BICD1: variants seen among roughly 807,000 people sequenced by gnomAD.
The protein encoded by BICD1 is protein bicaudal D homolog 1.
BICD1 carries 35 observed loss-of-function variants against 92.5 expected under a neutral mutation model. That is an observed-to-expected ratio of 0.38 (90% CI 0.29 to 0.50). The LOEUF is 0.50. Among genes scored for constraint, BICD1 ranks in the 20% least tolerant of loss-of-function variants. The probability of loss-of-function intolerance (pLI) is 0.93; values close to 1 mark genes in which losing one functional copy is unlikely to be tolerated. For synonymous variants in BICD1, 429 were observed against 465.1 expected (o/e 0.92, Z 1.00); for missense variants, 950 against 1,189.8 (o/e 0.80, Z 2.97).
At chr12:32,367,348 C>T (rs1939562301) in intron 8 of BICD1, among the ~76,000 whole-genome samples, 1 of 152,114 alleles carries the variant, frequency 6.6e-6, no homozygotes, top group Admixed American at 6.6e-5. Flanking sequence ...ATTGGAAGAT[C>T]TTTCATTATA....
At chr12:32,300,631 A>ATTTTTTTT (rs34219566) in intron 3 of BICD1, among the ~76,000 whole-genome samples, 1 of 80,566 alleles carries the variant, frequency 1.2e-5, no homozygotes, top group Non-Finnish European at 2.5e-5. Context: ...ACTTTACAGT[A>ATTTTTTTT]TTTTTTTTTT....
intron 9 of BICD1, among the ~76,000 whole-genome samples, chr12:32,370,002 A>G (rs1338654171): frequency 6.6e-6 from 1 of 152,194 alleles, no homozygotes; most frequent in African/African-American, 2.4e-5. Context: ...TGTTCCCACC[A>G]CCTTCAGCAA....
At chr12:32,108,269 A>G (rs1414697425) in intron 1 of BICD1, 1 of 181,238 alleles carries the variant, frequency 5.5e-6, no homozygotes, top group Non-Finnish European at 1.2e-5. Context: ...TTGCATTTCA[A>G]ATGAGGCTCT....
At chr12:32,263,675 G>A (rs7138319) in intron 2 of BICD1, among the ~76,000 whole-genome samples, 35,117 of 152,076 alleles carry the variant, frequency 0.23, 6,085 homozygotes, top group African/African-American at 0.49. Flanking sequence ...CTGGCAATAA[G>A]GTACTCCAAA....
intron 9 of BICD1, among the ~76,000 whole-genome samples, chr12:32,374,113 C>T (rs1433643798): frequency 1.3e-5 from 2 of 151,282 alleles, no homozygotes; most frequent in Non-Finnish European, 2.9e-5. Flanking sequence ...ACTCAGGAGG[C>T]TGAGGCACTA....
chr12:32,367,950 G>C (rs961712280), intron 9 of BICD1: 1 of 536,162 alleles, frequency 1.9e-6, no homozygotes, highest in Admixed American at 3.1e-5. Flanking sequence ...TATTTTGCTG[G>C]CTGCCAGCTG....
intron 1 of BICD1, among the ~76,000 whole-genome samples, chr12:32,185,275 T>A (rs1423324848): frequency 6.6e-6 from 1 of 152,238 alleles, no homozygotes; most frequent in Non-Finnish European, 1.5e-5. Context: ...AAGCAATTTA[T>A]ACTCTTGATT....
intron 1 of BICD1, among the ~76,000 whole-genome samples, chr12:32,142,295 A>G (rs1055725345): frequency 6.6e-6 from 1 of 151,164 alleles, no homozygotes; most frequent in African/African-American, 2.4e-5. Flanking sequence ...ACTCTGAGCT[A>G]CTGGGGAGGC....
chr12:32,319,282 C>CT (rs1292608784), intron 4 of BICD1, among the ~76,000 whole-genome samples: 1 of 151,854 alleles, frequency 6.6e-6, no homozygotes, highest in Non-Finnish European at 1.5e-5. Flanking sequence ...AGATTGTTGA[C>CT]TTTTTTTTAT....
chr12:32,370,324 G>A (rs931014503), intron 9 of BICD1, among the ~76,000 whole-genome samples: 9 of 150,684 alleles, frequency 6.0e-5, no homozygotes, highest in African/African-American at 2.0e-4. Context: ...CTGAGATCAC[G>A]CCACTGCATT....
At chr12:32,218,765 A>C (rs938152396) in intron 2 of BICD1, among the ~76,000 whole-genome samples, 2 of 152,172 alleles carry the variant, frequency 1.3e-5, no homozygotes, top group African/African-American at 4.8e-5. Flanking sequence ...TTTGTCTTCT[A>C]TGTGTGCCAA....
In BICD1 at chr12:32,237,621, C is replaced by G. The variant is rs1946110504; in HGVS notation, c.426+21162C>G. 3.3e-5 allele frequency among the ~76,000 whole-genome samples: 5 copies of G among 152,016 alleles called. No individual in the cohort carries two copies. The South Asian group carries it at 8.3e-4, about 25-fold the overall frequency. ...TTGAACATTCTAAAAATCCTAGGGC[C>G]CTTAAGAATGATACTAAATGTACTC... On this transcript the variant is annotated intron_variant, in intron 2 of 9. Transcript: ENST00000652176.
intron 1 of BICD1, among the ~76,000 whole-genome samples, chr12:32,184,176 T>G (rs1434088811): frequency 6.6e-6 from 1 of 152,200 alleles, no homozygotes; most frequent in African/African-American, 2.4e-5. Context: ...TTAGTGTCTC[T>G]CAAGGAAAAA....
intron 8 of BICD1, chr12:32,339,977 G>T (rs900148891): frequency 2.4e-6 from 2 of 837,322 alleles, no homozygotes; most frequent in East Asian, 2.5e-4. Context: ...GGCAAGCTTC[G>T]CACTTTGCCA....
At chr12:32,159,624 G>A (rs892186788) in intron 1 of BICD1, among the ~76,000 whole-genome samples, 7 of 152,114 alleles carry the variant, frequency 4.6e-5, no homozygotes, top group Admixed American at 3.9e-4. Context: ...GAATCAGTTC[G>A]CCAGCAGGTG....
At chr12:32,329,130 A>C (rs1277559779) in intron 5 of BICD1, among the ~76,000 whole-genome samples, 1 of 152,134 alleles carries the variant, frequency 6.6e-6, no homozygotes, top group Non-Finnish European at 1.5e-5. Context: ...TTTGAGACAG[A>C]GTCTCGCTCT....
intron 1 of BICD1, among the ~76,000 whole-genome samples, chr12:32,122,201 C>T (rs2121234642): frequency 6.6e-6 from 1 of 152,020 alleles, no homozygotes; most frequent in African/African-American, 2.4e-5. Flanking sequence ...AATCCCAGCA[C>T]TTTGGGAGGC....
chr12:32,305,180 A>T (rs1321008495), intron 3 of BICD1, among the ~76,000 whole-genome samples: 1 of 152,204 alleles, frequency 6.6e-6, no homozygotes, highest in Admixed American at 6.5e-5. Context: ...TACTGAGATT[A>T]TGTTATTATA....
At chr12:32,298,673 C>A in intron 3 of BICD1, among the ~76,000 whole-genome samples, 1 of 149,498 alleles carries the variant, frequency 6.7e-6, no homozygotes, top group Non-Finnish European at 1.5e-5. Context: ...GAGTTCGAGA[C>A]CAGCCTGACC....
Sources: gnomAD v4.1 joint callset for allele counts (sites outside exome capture counted in the v4.1 genomes callset) on GRCh38, gnomAD v4.1.1 for gene constraint, MANE v1.5 for transcripts, NCBI Gene and HGNC (gene_info 2026-07-23, HGNC 2026-07-21) for gene names.